HSD17B11: variants seen among roughly 807,000 people sequenced by gnomAD.
The protein encoded by HSD17B11 is hydroxysteroid 17-beta dehydrogenase 11.
Under a neutral mutation model 27.8 loss-of-function variants are expected in HSD17B11, and 22 were observed. The observed-to-expected ratio is 0.79, with a 90% CI of 0.56 to 1.13. HSD17B11 has a LOEUF of 1.13. Ranked by LOEUF, HSD17B11 falls within the 50% of genes most tolerant of loss-of-function variation. HSD17B11 has a pLI of 0.00. For synonymous variants in HSD17B11, 117 were observed against 132.8 expected (o/e 0.88, Z 0.82); for missense variants, 314 against 351.1 (o/e 0.89, Z 0.84).
chr4:87,344,274 A>G (rs1357709027), intron 5 of HSD17B11, among the ~76,000 whole-genome samples: 1 of 152,248 alleles, frequency 6.6e-6, no homozygotes, highest in Non-Finnish European at 1.5e-5. Flanking sequence ...TGTTATATAT[A>G]TTACAGATGG....
At position 87,391,025 on chromosome 4, in the gene HSD17B11, C is replaced by G. The variant is rs371570675; in HGVS notation, c.46G>C (p.Val16Leu). The G allele has an allele frequency of 1.2e-5, 20 of 1,613,698 alleles. No homozygotes were observed. The African/African-American group carries it at 1.6e-4, about 13-fold the overall frequency. ...TTCACGAAGGACTCTAGGGAGCAGA[C>G]GATCAGTAACGGGAGAAGCAGGAGG... The part of the protein sequence containing the change: ...DILLLLPLLI[V>L]CSLESFVKLF... The change falls in exon 1 of 7, where the codon GTC (valine) becomes CTC (leucine). Residue 16 changes from valine to leucine, a missense_variant. Val to Leu is a conservative substitution (Grantham distance 32). Transcript: ENST00000358290.
chr4:87,345,812 CT>C lies in HSD17B11; in HGVS notation c.696-5207del, dbSNP rs145538177. ...AGAGATTGAATCAGCAATCAAGAAA[CT>C]TCCAGGAAAGAGGAGCCCAGGACTA... On this transcript the variant is annotated intron_variant, in intron 5 of 6. Transcript: ENST00000358290. Among the ~76,000 whole-genome samples, 5 of 152,200 alleles carry C rather than the reference CT, an allele frequency of 3.3e-5. No homozygotes were observed. In the East Asian group the frequency reaches 9.7e-4, roughly 29 times the overall value.
At chr4:87,344,251 A>G (rs1457043976) in intron 5 of HSD17B11, among the ~76,000 whole-genome samples, 2 of 152,218 alleles carry the variant, frequency 1.3e-5, no homozygotes. Context: ...ATTTTTAGAG[A>G]AAAAATAAAT....
chr4:87,370,901 C>T (rs1735703485), intron 4 of HSD17B11, among the ~76,000 whole-genome samples: 1 of 123,610 alleles, frequency 8.1e-6, no homozygotes, highest in African/African-American at 3.7e-5. Context: ...TACAGGCGCC[C>T]GCTACCACGC....
At chr4:87,357,066 T>C (rs1735401253) in intron 5 of HSD17B11, among the ~76,000 whole-genome samples, 1 of 152,240 alleles carries the variant, frequency 6.6e-6, no homozygotes, top group African/African-American at 2.4e-5. Flanking sequence ...AGTTTACCAA[T>C]GTCATTCATA....
At chr4:87,343,221 G>A (rs1486549720) in intron 5 of HSD17B11, among the ~76,000 whole-genome samples, 2 of 152,066 alleles carry the variant, frequency 1.3e-5, no homozygotes, top group Admixed American at 6.6e-5. Flanking sequence ...AATTTTAAAA[G>A]CCAAAAGAAA....
Position 87,382,382 on chromosome 4 carries a change from G to C in HSD17B11, c.211-20C>G, listed in dbSNP as rs775998937. On this transcript the variant is annotated intron_variant, in intron 1 of 6. Transcript: ENST00000358290. ...TCCATGCTAGAAAAAGCAAAAAAGA[G>C]GGCAAGGTAATAATTGATATGAACA... The C allele has an allele frequency of 6.8e-7, 1 of 1,472,896 alleles. No homozygotes were observed. The highest frequency in any genetic ancestry group is 1.1e-5 in the South Asian group (1 of 87,676). The allele number at this position is 1,472,896 out of a possible 1,614,324, so 91.2% of individuals were successfully genotyped here.
At chr4:87,374,879 T>A in intron 2 of HSD17B11, 49 bp from the exon 3 acceptor site, 58 of 1,291,088 alleles carry the variant, frequency 4.5e-5, no homozygotes, top group Non-Finnish European at 5.8e-5. Flanking sequence ...GGTATGAGGG[T>A]AAGTTTATAC....
chr4:87,356,337 G>A (rs1191546281), intron 5 of HSD17B11, among the ~76,000 whole-genome samples: 1 of 152,228 alleles, frequency 6.6e-6, no homozygotes, highest in Non-Finnish European at 1.5e-5. Flanking sequence ...CTGATTTGCT[G>A]TTAAAAATCC....
Position 87,374,543 on chromosome 4 carries a change from T to C in HSD17B11, c.450+156A>G, listed in dbSNP as rs562414779. On this transcript the variant is annotated intron_variant, in intron 3 of 6. Coordinates refer to ENST00000358290, the MANE Select transcript of HSD17B11 (RefSeq NM_016245.5). ...AGTGAGGAAGAATGATAGAATTTGGTCATAGCATGAAAAATGATCTCTTTG... is the reference window on the plus strand; with the variant it reads ...AGTGAGGAAGAATGATAGAATTTGGCCATAGCATGAAAAATGATCTCTTTG... The C allele has an allele frequency of 6.6e-5, 36 of 548,054 alleles. No individual in the cohort carries two copies. The African/African-American group carries it at 6.7e-4, about 10-fold the overall frequency. 33.9% of individuals were successfully genotyped at this position (548,054 alleles called of 1,614,324 possible).
chr4:87,384,154 G>A (rs887747911), intron 1 of HSD17B11, among the ~76,000 whole-genome samples: 14 of 152,108 alleles, frequency 9.2e-5, no homozygotes, highest in African/African-American at 2.7e-4. Flanking sequence ...CTGGAGCCGC[G>A]GCAAAGAACA....
chr4:87,382,498 C>T lies in HSD17B11; in HGVS notation c.211-136G>A, dbSNP rs1157256411. On this transcript the variant is annotated intron_variant, in intron 1 of 6. Transcript: ENST00000358290. The stretch of plus-strand genomic sequence containing the variant: ...GAATTGGGCAAGATTGTTAACAACA[C>T]ATTTTTGGCAGGTATATAGGCACAT... 7.2e-6 allele frequency: 4 copies of T among 552,506 alleles called. No homozygotes were observed. The South Asian group carries it at 9.9e-5, about 14-fold the overall frequency. The allele number at this position is 552,506 out of a possible 1,614,324, so 34.2% of individuals were successfully genotyped here. A position where few individuals can be genotyped will look rare whatever the true frequency, so the allele number is the denominator to read the frequency against.
At chr4:87,374,569 T>A (rs1735781786) in intron 3 of HSD17B11, 130 bp downstream of exon 3, 1 of 765,100 alleles carries the variant, frequency 1.3e-6, no homozygotes, top group East Asian at 2.8e-5. Context: ...GATCTCTTTG[T>A]ATAATGTTAT....
At position 87,368,850 on chromosome 4, in the gene HSD17B11, C is replaced by CA. The variant is rs1467165266; in HGVS notation, c.557+3858dup. 2.0e-5 allele frequency among the ~76,000 whole-genome samples: 3 copies of CA among 152,316 alleles called. No homozygotes were observed. In the East Asian group the frequency reaches 5.8e-4, roughly 29 times the overall value. ...ATGGCAATGGCAGGAAGTTACCCTA[C>CA]ATGGTCTAAAAAGGGGAGGCATGAA... On this transcript the variant is annotated intron_variant, in intron 4 of 6. Coordinates refer to ENST00000358290, the MANE Select transcript of HSD17B11 (RefSeq NM_016245.5).
At chr4:87,380,773 GGGTGA>G (rs1403849231) in intron 2 of HSD17B11, among the ~76,000 whole-genome samples, 1 of 150,136 alleles carries the variant, frequency 6.7e-6, no homozygotes, top group African/African-American at 2.5e-5. Context: ...CAGGAGAATG[GGGTGA>G]ACCCGGGAGG....
chr4:87,385,289 C>T lies in HSD17B11; in HGVS notation c.211-2927G>A, dbSNP rs548897916. On this transcript the variant is annotated intron_variant, in intron 1 of 6. Coordinates refer to ENST00000358290, the MANE Select transcript of HSD17B11 (RefSeq NM_016245.5). ...GAATTTCTGACACATGCTACACGTA[C>T]AACCTTCATTATGCCAAATGAAATA... Among the ~76,000 whole-genome samples the T allele has an allele frequency of 3.9e-5, 6 of 152,294 alleles. No homozygotes were observed. The East Asian group carries it at 1.2e-3, about 29-fold the overall frequency.
chr4:87,371,233 G>A (rs1400620520), intron 4 of HSD17B11, among the ~76,000 whole-genome samples: 2 of 152,046 alleles, frequency 1.3e-5, no homozygotes, highest in Non-Finnish European at 2.9e-5. Flanking sequence ...ATAATAGAAT[G>A]GACAAATAAA....
chr4:87,338,676 C>G (rs114093956), intron 6 of HSD17B11, among the ~76,000 whole-genome samples: 2,731 of 152,180 alleles, frequency 0.018, 61 homozygotes, highest in South Asian at 0.049. Flanking sequence ...GCTGGTACTA[C>G]AGGTGTGTTC....
In HSD17B11 at chr4:87,356,586, G is replaced by A. The variant is rs533447628; in HGVS notation, c.695+693C>T. On this transcript the variant is annotated intron_variant, in intron 5 of 6. Coordinates refer to ENST00000358290, the MANE Select transcript of HSD17B11 (RefSeq NM_016245.5). ...TTGAGAGTGGTTTCCACTCAATAGA[G>A]GGTTTTAAGGAAATTAAAAAAGAAA... 3.9e-5 allele frequency among the ~76,000 whole-genome samples: 6 copies of A among 152,108 alleles called. No homozygotes were observed. In the East Asian group the frequency reaches 9.6e-4, roughly 24 times the overall value.
Sources: allele counts gnomAD v4.1 joint callset (sites outside exome capture counted in the v4.1 genomes callset), GRCh38; gene constraint gnomAD v4.1.1; transcripts MANE v1.5; gene names NCBI Gene and HGNC (gene_info 2026-07-23, HGNC 2026-07-21).